The following MEP1A variants were observed in gnomAD, a reference collection of about 807,000 sequenced individuals.
MEP1A encodes N-benzoyl-L-tyrosyl-P-amino-benzoic acid hydrolase subunit alpha.
In MEP1A, 68 loss-of-function variants were observed where a neutral mutation model predicts 84.5. The observed-to-expected ratio is 0.80, with a 90% CI of 0.66 to 0.98. The LOEUF is 0.98. Ranked by LOEUF, MEP1A falls within the 50% of genes least tolerant of loss-of-function variation. The probability of loss-of-function intolerance (pLI) is 0.00; values close to 1 mark genes in which losing one functional copy is unlikely to be tolerated. For missense variants in MEP1A, 887 were observed against 919.9 expected (o/e 0.96, Z 0.46); for synonymous variants, 337 against 336.8 (o/e 1.00, Z -0.01).
intron 5 of MEP1A, among the ~76,000 whole-genome samples, chr6:46,804,198 G>A (rs1188010818): frequency 6.6e-6 from 1 of 151,440 alleles, no homozygotes; most frequent in Non-Finnish European, 1.5e-5. Flanking sequence ...TTATAAAGCA[G>A]ATTTGTTGAT....
intron 13 of MEP1A, among the ~76,000 whole-genome samples, chr6:46,838,413 T>A (rs1181916709): frequency 2.6e-5 from 4 of 152,238 alleles, no homozygotes; most frequent in Non-Finnish European, 4.4e-5. Flanking sequence ...CTGTGTTAAA[T>A]ACCTTGATAA....
At chr6:46,831,317 T>A (rs1768069622) in intron 10 of MEP1A, among the ~76,000 whole-genome samples, 1 of 152,238 alleles carries the variant, frequency 6.6e-6, no homozygotes, top group South Asian at 2.1e-4. Flanking sequence ...TATGCATATC[T>A]GTATATAATA....
At position 46,839,011 on chromosome 6, in the gene MEP1A, G is replaced by T. The variant is rs773829790; in HGVS notation, c.2116G>T (p.Gly706Trp). 7.4e-6 allele frequency: 12 copies of T among 1,613,630 alleles called. No homozygotes were observed. Among genetic ancestry groups the T allele is most frequent in the Non-Finnish European group, 1.0e-5 (12 of 1,179,740 alleles). Residue 706 changes from glycine to tryptophan, a missense_variant, in exon 14 of 14, where the codon GGG becomes TGG. Coordinates refer to ENST00000230588, the MANE Select transcript of MEP1A (RefSeq NM_005588.3). Reference protein sequence around the residue: ...CISGHAFFYTGERCQAVQVHG... With the variant: ...CISGHAFFYTWERCQAVQVHG... ...CTCTGGACATGCTTTCTTCTACACGGGGGAGCGCTGTCAGGCCGTGCAGGT... is the reference window on the plus strand; with the variant it reads ...CTCTGGACATGCTTTCTTCTACACGTGGGAGCGCTGTCAGGCCGTGCAGGT...
chr6:46,817,316 G>A (rs1454471783), intron 6 of MEP1A, among the ~76,000 whole-genome samples: 1 of 152,162 alleles, frequency 6.6e-6, no homozygotes, highest in African/African-American at 2.4e-5. Context: ...GGATGAGGTA[G>A]GAGAGTAAAC....
intron 6 of MEP1A, 32 bp downstream of exon 6, chr6:46,809,569 T>G (rs748802012): frequency 7.1e-7 from 1 of 1,418,178 alleles, no homozygotes; most frequent in South Asian, 1.2e-5. Flanking sequence ...GTGAAAATCA[T>G]GCATACTTTG....
chr6:46,799,274 C>A, intron 5 of MEP1A, 93 bp downstream of exon 5: 2 of 826,592 alleles, frequency 2.4e-6, no homozygotes, highest in Admixed American at 1.9e-5. Flanking sequence ...GTAACCACCA[C>A]GATCTAAGAG....
At chr6:46,803,265 T>C in intron 5 of MEP1A, among the ~76,000 whole-genome samples, 1 of 151,628 alleles carries the variant, frequency 6.6e-6, no homozygotes, top group East Asian at 1.9e-4. Context: ...TATTTTCTAT[T>C]ATGCTGCTTT....
Position 46,829,373 on chromosome 6 carries a change from C to A in MEP1A, c.946C>A (p.Gln316Lys), listed in dbSNP as rs1768023477. 7 of 1,613,360 alleles carry A rather than the reference C, an allele frequency of 4.3e-6. No individual in the cohort carries two copies. Among genetic ancestry groups the A allele is most frequent in the Non-Finnish European group, 5.9e-6 (7 of 1,180,000 alleles). ...GQCTGAGYFM[Q>K]FSTSSGSAEE... The stretch of plus-strand genomic sequence containing the variant: ...TTCCATAGGTGCCGGCTACTTCATG[C>A]AGTTCAGCACCAGCTCGGGGTCCGC... The change falls in exon 10 of 14, where the codon CAG (glutamine) becomes AAG (lysine). Residue 316 changes from glutamine to lysine, a missense_variant. Transcript: ENST00000230588.
intron 9 of MEP1A, among the ~76,000 whole-genome samples, chr6:46,828,680 G>A (rs745731497): frequency 1.3e-5 from 2 of 152,124 alleles, no homozygotes; most frequent in Non-Finnish European, 2.9e-5. Flanking sequence ...CTGTTTTTAG[G>A]GGAAAGAGTT....
intron 5 of MEP1A, among the ~76,000 whole-genome samples, chr6:46,807,795 GAAAGA>G: frequency 7.0e-6 from 1 of 141,898 alleles, no homozygotes; most frequent in African/African-American, 2.6e-5. Flanking sequence ...AAGAAAGAAA[GAAAGA>G]AAGAAAGAAA....
chr6:46,836,957 G>A (rs1768230142), intron 13 of MEP1A, among the ~76,000 whole-genome samples: 1 of 152,020 alleles, frequency 6.6e-6, no homozygotes, highest in South Asian at 2.1e-4. Context: ...TTCATTATCT[G>A]GCCAACAGCA....
chr6:46,793,853 G>A, intron 3 of MEP1A, 137 bp downstream of exon 3: 2 of 647,356 alleles, frequency 3.1e-6, no homozygotes, highest in Non-Finnish European at 5.1e-6. Flanking sequence ...GTGAGAAATT[G>A]CATTTTCTGA....
At chr6:46,837,503 C>A (rs7766879) in intron 13 of MEP1A, among the ~76,000 whole-genome samples, 2 of 152,138 alleles carry the variant, frequency 1.3e-5, no homozygotes, top group African/African-American at 4.8e-5. Context: ...GTTCCTTTTA[C>A]TGGGGAAGGC....
At chr6:46,804,040 G>A (rs1767256817) in intron 5 of MEP1A, among the ~76,000 whole-genome samples, 1 of 151,514 alleles carries the variant, frequency 6.6e-6, no homozygotes, top group African/African-American at 2.4e-5. Flanking sequence ...TATTTAAACA[G>A]TTATCTTTTA....
rs368736872 is a variant in MEP1A, at chr6:46,809,412, T to C, written c.263-8T>C. The C allele has an allele frequency of 6.9e-5, 107 of 1,560,772 alleles. No individual in the cohort carries two copies. The highest frequency in any genetic ancestry group is 8.4e-5 in the Non-Finnish European group (96 of 1,140,122). On this transcript the variant is annotated splice_region_variant and splice_polypyrimidine_tract_variant and intron_variant, in intron 5 of 13. Coordinates refer to ENST00000230588, the MANE Select transcript of MEP1A (RefSeq NM_005588.3). Reference sequence around the variant, plus strand: ...AATGCTCATTGATATTTTTACTGATTTCTGCAGGGCTGAATGCTAAAGGAG... The same window carrying C: ...AATGCTCATTGATATTTTTACTGATCTCTGCAGGGCTGAATGCTAAAGGAG...
At chr6:46,834,405 T>C (rs1209364692) in intron 11 of MEP1A, among the ~76,000 whole-genome samples, 173 bp from the exon 12 acceptor site, 1 of 151,628 alleles carries the variant, frequency 6.6e-6, no homozygotes, top group Non-Finnish European at 1.5e-5. Flanking sequence ...GTAAATAGCC[T>C]AATTTTTTTC....
chr6:46,832,088 T>C (rs1768090045), intron 10 of MEP1A, among the ~76,000 whole-genome samples: 1 of 152,206 alleles, frequency 6.6e-6, no homozygotes, highest in Non-Finnish European at 1.5e-5. Context: ...TCAGGGAAAG[T>C]ATAGTTCTAT....
intron 5 of MEP1A, among the ~76,000 whole-genome samples, chr6:46,805,986 C>T (rs1427819063): frequency 6.6e-6 from 1 of 151,906 alleles, no homozygotes; most frequent in African/African-American, 2.4e-5. Context: ...TTTACCATCG[C>T]CAGTCAGCTT....
intron 4 of MEP1A, among the ~76,000 whole-genome samples, chr6:46,798,874 T>C (rs776947539): frequency 1.3e-5 from 2 of 152,222 alleles, no homozygotes; most frequent in Non-Finnish European, 2.9e-5. Context: ...GGCTTATCTA[T>C]CCAGTTTTCT....
Sources: gnomAD v4.1 joint callset for allele counts (sites outside exome capture counted in the v4.1 genomes callset) on GRCh38, gnomAD v4.1.1 for gene constraint, MANE v1.5 for transcripts, NCBI Gene and HGNC (gene_info 2026-07-23, HGNC 2026-07-21) for gene names.